The following ZSCAN5A variants were observed in gnomAD, a reference collection of about 807,000 sequenced individuals.
ZSCAN5A encodes the protein zinc finger and SCAN domain containing 5A, also known as zinc finger and SCAN domain-containing protein 5A.
Under a neutral mutation model 23.7 loss-of-function variants are expected in ZSCAN5A, and 12 were observed. That is an observed-to-expected ratio of 0.51 (90% confidence interval 0.32 to 0.82). The LOEUF is 0.82. Among genes scored for constraint, ZSCAN5A ranks in the 40% least tolerant of loss-of-function variants. The probability of loss-of-function intolerance (pLI) is 0.03; values close to 1 mark genes in which losing one functional copy is unlikely to be tolerated. For synonymous variants in ZSCAN5A, 257 were observed against 239.9 expected, an observed-to-expected ratio of 1.07 and a Z score of -0.66; for missense variants, 597 against 617.9, an observed-to-expected ratio of 0.97 and a Z score of 0.36.
At chr19:56,345,770 T>C (rs924032088) in intron 2 of ZSCAN5A, among the ~76,000 whole-genome samples, 1 of 152,176 alleles carries the variant, frequency 6.6e-6, no homozygotes, top group Non-Finnish European at 1.5e-5. Context: ...CATGTGATGT[T>C]TTTACAGTGC....
chr19:56,230,949 G>A (rs1368123522), intron 2 of ZSCAN5A, among the ~76,000 whole-genome samples: 2 of 152,154 alleles, frequency 1.3e-5, no homozygotes, highest in South Asian at 4.1e-4. Flanking sequence ...TGTACTGAAA[G>A]TGACAATCAG....
In ZSCAN5A at chr19:56,352,876, G is replaced by A. The variant is rs534027434; in HGVS notation, c.-358+10359C>T. Among the ~76,000 whole-genome samples, 11 of 152,300 alleles carry A rather than the reference G, an allele frequency of 7.2e-5. No individual in the cohort carries two copies. Among genetic ancestry groups the A allele is most frequent in the Admixed American group, 3.3e-4 (5 of 15,308 alleles). On this transcript the variant is annotated intron_variant, in intron 2 of 6. Coordinates refer to the ZSCAN5A transcript ENST00000587340. This position sits in a 1 kb window ranked among gnomAD's most constrained non-coding sequence, Gnocchi z 4.2. Reference sequence around the variant, plus strand: ...AGGGAAGCCCAAGTCAAGTCTGGTCGAGGAGAAGGTCTTTGCCAGATGGCA... The same window carrying A: ...AGGGAAGCCCAAGTCAAGTCTGGTCAAGGAGAAGGTCTTTGCCAGATGGCA...
intron 2 of ZSCAN5A, among the ~76,000 whole-genome samples, chr19:56,333,183 C>A (rs2041504728): frequency 6.6e-6 from 1 of 151,554 alleles, no homozygotes; most frequent in Non-Finnish European, 1.5e-5. Context: ...CTCTGGATTT[C>A]TTCTATCTGG....
chr19:56,300,569 C>T (rs956893773), intron 2 of ZSCAN5A, among the ~76,000 whole-genome samples: 15 of 152,116 alleles, frequency 9.9e-5, no homozygotes, highest in South Asian at 2.1e-4. Flanking sequence ...TAATGCTGGC[C>T]GCAGGCTTAC....
At chr19:56,288,538 T>C (rs1427193730) in intron 2 of ZSCAN5A, among the ~76,000 whole-genome samples, 1 of 152,214 alleles carries the variant, frequency 6.6e-6, no homozygotes, top group Non-Finnish European at 1.5e-5. Context: ...TTTTGCTGTC[T>C]GCTTCTCTCT....
At chr19:56,308,349 AG>A (rs1402708640) in intron 2 of ZSCAN5A, among the ~76,000 whole-genome samples, 1 of 121,854 alleles carries the variant, frequency 8.2e-6, no homozygotes, top group Non-Finnish European at 1.8e-5. Flanking sequence ...TTTGAGATGG[AG>A]GCTCACTCTG....
In ZSCAN5A at chr19:56,245,339, T is replaced by A. The variant is rs771016590; in HGVS notation, c.-127-20166A>T. The A allele has an allele frequency of 1.1e-5, 8 of 751,666 alleles. No individual in the cohort carries two copies. The East Asian group carries it at 2.0e-4, about 19-fold the overall frequency. The allele number at this position is 751,666 out of a possible 1,614,324, so 46.6% of individuals were successfully genotyped here. A position where few individuals can be genotyped will look rare whatever the true frequency, so the allele number is the denominator to read the frequency against. On this transcript the variant is annotated intron_variant, in intron 2 of 5. Transcript: ENST00000683990. ...AGGCGTGTCCAGCCAGCGGGCCTCC[T>A]CTGTGAATGAGATGCGTCCGGGGGA... is the stretch of plus-strand genomic sequence containing the variant.
At chr19:56,340,749 TG>T (rs2041586209) in intron 2 of ZSCAN5A, 1 of 152,222 alleles carries the variant, frequency 6.6e-6, no homozygotes, top group South Asian at 2.1e-4. Context: ...ATACTGGAAC[TG>T]AAGCTTTTGG....
intron 2 of ZSCAN5A, among the ~76,000 whole-genome samples, chr19:56,334,447 C>T (rs1281265137): frequency 2.6e-5 from 4 of 152,072 alleles, no homozygotes; most frequent in Non-Finnish European, 5.9e-5. Flanking sequence ...GTTACATTGA[C>T]ATAACCATTT....
intron 2 of ZSCAN5A, among the ~76,000 whole-genome samples, chr19:56,334,664 C>A (rs1188598174): frequency 6.6e-6 from 1 of 152,140 alleles, no homozygotes; most frequent in Non-Finnish European, 1.5e-5. Context: ...TATTTCTCAG[C>A]CTTCACTGGT....
At chr19:56,242,946 T>C (rs574030381) in intron 2 of ZSCAN5A, among the ~76,000 whole-genome samples, 60 of 152,114 alleles carry the variant, frequency 3.9e-4, no homozygotes, top group African/African-American at 1.4e-3. Context: ...GCCCGGCTAA[T>C]TTTTGTATTT....
chr19:56,320,723 G>A lies in ZSCAN5A; in HGVS notation c.-357-4455C>T, dbSNP rs1247496264. ...ATAGTTCACCTCTGCTTCAATATAT[G>A]GAAATTCTGACACAAGACGTACTCC... On this transcript the variant is annotated intron_variant, in intron 2 of 6. Transcript: ENST00000587340. 3.4e-6 allele frequency: 4 copies of A among 1,193,174 alleles called. No homozygotes were observed. In the East Asian group the frequency reaches 9.3e-5, roughly 28 times the overall value. 73.9% of individuals were successfully genotyped at this position (1,193,174 alleles called of 1,614,324 possible).
At chr19:56,272,790 G>A (rs769885766) in intron 2 of ZSCAN5A, 32 of 815,332 alleles carry the variant, frequency 3.9e-5, no homozygotes, top group Non-Finnish European at 4.7e-5. Context: ...AGAGAGTCCT[G>A]TCTATCCTAG....
chr19:56,286,044 C>T (rs541231852), intron 2 of ZSCAN5A, among the ~76,000 whole-genome samples: 6 of 152,248 alleles, frequency 3.9e-5, no homozygotes, highest in East Asian at 1.9e-4. Context: ...TATTTAGAGA[C>T]GGAGTCTCGC....
intron 2 of ZSCAN5A, chr19:56,363,044 CCCAAAGTTATACATT>C (rs1190069107): frequency 6.6e-6 from 1 of 152,154 alleles, no homozygotes; most frequent in Non-Finnish European, 1.5e-5. Context: ...TGATTAATGT[CCCAAAGTTATACATT>C]CCTGTAACTC....
intron 2 of ZSCAN5A, among the ~76,000 whole-genome samples, chr19:56,362,647 A>G (rs1015724503): frequency 6.6e-6 from 1 of 152,232 alleles, no homozygotes; most frequent in Non-Finnish European, 1.5e-5. Flanking sequence ...AGGAGGGCAG[A>G]TCACGAGGTC....
chr19:56,299,408 CAGACATAAGCCACCA>C (rs1462855263), intron 2 of ZSCAN5A, among the ~76,000 whole-genome samples: 1 of 151,104 alleles, frequency 6.6e-6, no homozygotes, highest in African/African-American at 2.4e-5. Flanking sequence ...GCTGGAATTA[CAGACATAAGCCACCA>C]TGCCCAGCCT....
chr19:56,262,130 G>A (rs2037166129), intron 2 of ZSCAN5A, among the ~76,000 whole-genome samples: 1 of 151,742 alleles, frequency 6.6e-6, no homozygotes, highest in Non-Finnish European at 1.5e-5. Flanking sequence ...TGATTCTCCT[G>A]ACTCAGCGTC....
Position 56,222,310 on chromosome 19 carries a change from T to G in ZSCAN5A, c.756A>C (p.Ala252=), listed in dbSNP as rs1043111296. The G allele has an allele frequency of 1.2e-6, 2 of 1,611,840 alleles. No homozygotes were observed. Among genetic ancestry groups the G allele is most frequent in the African/African-American group, 1.3e-5 (1 of 74,926 alleles). ...TTTTTGGGGGGTCCTTCCCCTCCTT[T>G]GCTCTCACCAGATCTGCTGGAAGAA... ...LPKSPTDLVR[A]KEGKDPPKIA... The change falls in exon 6 of 6, where the codon GCA becomes GCC. Residue 252 remains alanine, a synonymous_variant. Transcript: ENST00000683990.
Sources: gnomAD v4.1 joint callset for allele counts (sites outside exome capture counted in the v4.1 genomes callset) on GRCh38, gnomAD v4.1.1 for gene constraint, Gnocchi (gnomAD v3.1) non-coding constraint, MANE v1.5 for transcripts, NCBI Gene and HGNC (gene_info 2026-07-23, HGNC 2026-07-21) for gene names.